Variants in PAK5 observed in about 807,000 individuals in gnomAD.
The protein encoded by PAK5 is p21 (RAC1) activated kinase 5.
In PAK5, 16 loss-of-function variants were observed where a neutral mutation model predicts 65.9. That is an observed-to-expected ratio of 0.24 (90% CI 0.16 to 0.37). PAK5 has a LOEUF of 0.37. PAK5 is among the 10% of genes least tolerant of loss of function. The pLI, the probability that PAK5 is intolerant of heterozygous loss-of-function variation, is 1.00. For missense variants in PAK5, 785 were observed against 903.9 expected (o/e 0.87, Z 1.69); for synonymous variants, 371 against 354.9 (o/e 1.05, Z -0.51).
intron 2 of PAK5, among the ~76,000 whole-genome samples, chr20:9,709,976 C>T (rs745863520): frequency 2.0e-5 from 3 of 152,174 alleles, no homozygotes; most frequent in Non-Finnish European, 2.9e-5. Flanking sequence ...CTCTGGTAAC[C>T]ATTGCTTGAA....
chr20:9,724,107 G>A (rs1485322497), intron 1 of PAK5, among the ~76,000 whole-genome samples: 2 of 152,144 alleles, frequency 1.3e-5, no homozygotes, highest in Non-Finnish European at 2.9e-5. Context: ...AAGCATAAAT[G>A]AATGACTAAA....
intron 2 of PAK5, among the ~76,000 whole-genome samples, chr20:9,680,923 T>C (rs921401453): frequency 3.3e-5 from 5 of 152,254 alleles, no homozygotes; most frequent in African/African-American, 9.6e-5. Context: ...CGGCGTTTTA[T>C]GTATGGCAAT....
intron 2 of PAK5, among the ~76,000 whole-genome samples, chr20:9,682,821 C>T (rs2047668169): frequency 2.0e-5 from 3 of 152,172 alleles, no homozygotes; most frequent in Non-Finnish European, 4.4e-5. Context: ...ATATTTTGTA[C>T]AGCTCCTCAT....
chr20:9,671,633 A>G (rs7352533), intron 2 of PAK5, among the ~76,000 whole-genome samples: 8,281 of 130,510 alleles, frequency 0.063, 441 homozygotes, highest in Middle Eastern at 0.17. Flanking sequence ...TTGTATCCTG[A>G]GACTTTGCAG....
At chr20:9,571,882 G>C (rs956292466) in intron 4 of PAK5, among the ~76,000 whole-genome samples, 11 of 142,232 alleles carry the variant, frequency 7.7e-5, no homozygotes, top group African/African-American at 2.4e-4. Flanking sequence ...GATGGGGGGG[G>C]GGGATGTGGT....
chr20:9,546,859 TA>T (rs768314489), intron 7 of PAK5, among the ~76,000 whole-genome samples: 246 of 152,158 alleles, frequency 1.6e-3, no homozygotes, highest in Non-Finnish European at 3.1e-3. Context: ...AGATGTATTT[TA>T]ATATAGATAG....
intron 2 of PAK5, among the ~76,000 whole-genome samples, chr20:9,667,497 C>T (rs2047435993): frequency 9.9e-6 from 1 of 100,842 alleles, no homozygotes; most frequent in South Asian, 2.9e-4. Flanking sequence ...AGTCAACAGT[C>T]CCAGCTGAAC....
intron 1 of PAK5, among the ~76,000 whole-genome samples, chr20:9,831,927 G>A (rs1212314396): frequency 6.6e-6 from 1 of 151,870 alleles, no homozygotes; most frequent in Non-Finnish European, 1.5e-5. Flanking sequence ...CCTGCATGAT[G>A]TTTTCATTTC....
intron 1 of PAK5, among the ~76,000 whole-genome samples, chr20:9,801,004 G>C (rs1240589942): frequency 6.6e-6 from 1 of 151,902 alleles, no homozygotes; most frequent in Non-Finnish European, 1.5e-5. Flanking sequence ...TCTAACAACA[G>C]TTCAGGCAAG....
chr20:9,574,247 T>G (rs1192668865), intron 4 of PAK5, among the ~76,000 whole-genome samples: 1 of 152,192 alleles, frequency 6.6e-6, no homozygotes, highest in African/African-American at 2.4e-5. Context: ...GTTGGACAAG[T>G]GGCTCATGAC....
chr20:9,666,971 C>T (rs1300736435), intron 2 of PAK5, among the ~76,000 whole-genome samples: 1 of 152,092 alleles, frequency 6.6e-6, no homozygotes, highest in Non-Finnish European at 1.5e-5. Flanking sequence ...ATTTTGTGTC[C>T]CTTCTTTCAT....
chr20:9,576,582 C>T (rs2045888841), intron 4 of PAK5, among the ~76,000 whole-genome samples: 1 of 152,168 alleles, frequency 6.6e-6, no homozygotes, highest in South Asian at 2.1e-4. Flanking sequence ...GGGGATGATG[C>T]AACCTAGTTG....
intron 1 of PAK5, among the ~76,000 whole-genome samples, chr20:9,814,741 A>G (rs2049336824): frequency 6.6e-6 from 1 of 152,226 alleles, no homozygotes. Context: ...TTGGATTCAG[A>G]ATCCCCAAAT....
At chr20:9,545,240 A>G (rs62193591) in intron 7 of PAK5, among the ~76,000 whole-genome samples, 2 of 152,156 alleles carry the variant, frequency 1.3e-5, no homozygotes, top group Non-Finnish European at 2.9e-5. Context: ...AAAAACTTGG[A>G]AATTTCTTTC....
At chr20:9,645,887 A>C (rs535889136) in intron 2 of PAK5, among the ~76,000 whole-genome samples, 1 of 152,228 alleles carries the variant, frequency 6.6e-6, no homozygotes, top group South Asian at 2.1e-4. Context: ...CGCCCAGCCT[A>C]TCTTCCTACA....
At chr20:9,783,736 G>T (rs2048965581) in intron 1 of PAK5, among the ~76,000 whole-genome samples, 1 of 152,056 alleles carries the variant, frequency 6.6e-6, no homozygotes, top group African/African-American at 2.4e-5. Context: ...TTTATAATTT[G>T]CAATACAATG....
At chr20:9,618,915 GTTT>G (rs150725498) in intron 3 of PAK5, among the ~76,000 whole-genome samples, 84 of 18,788 alleles carry the variant, frequency 4.5e-3, no homozygotes, top group African/African-American at 0.017. Context: ...TCTTTCTTTC[GTTT>G]TTTTTTTTTT....
chr20:9,717,532 C>A (rs1026498938), intron 1 of PAK5, among the ~76,000 whole-genome samples: 3 of 152,230 alleles, frequency 2.0e-5, no homozygotes, highest in African/African-American at 7.2e-5. Context: ...AAGAAACAAA[C>A]AAGCAAACAA....
At chr20:9,642,806 T>C (rs66575311) in intron 3 of PAK5, among the ~76,000 whole-genome samples, 29,867 of 152,130 alleles carry the variant, frequency 0.2, 3,461 homozygotes, top group East Asian at 0.46. Context: ...CAAATATCCA[T>C]TTTTTTGTGT....
Sources: allele counts gnomAD v4.1 joint callset (sites outside exome capture counted in the v4.1 genomes callset), GRCh38; gene constraint gnomAD v4.1.1; transcripts MANE v1.5; gene names NCBI Gene and HGNC (gene_info 2026-07-23, HGNC 2026-07-21).